NTAQ1: variants seen among roughly 807,000 people sequenced by gnomAD.
The protein encoded by NTAQ1 is N-terminal glutamine amidase 1.
Under a neutral mutation model 28.2 loss-of-function variants are expected in NTAQ1, and 21 were observed. The ratio of observed to expected loss-of-function variants is 0.74; its 90% confidence interval spans 0.53 to 1.07. NTAQ1 has a LOEUF of 1.07. Among genes scored for constraint, NTAQ1 ranks in the 50% least tolerant of loss-of-function variants. NTAQ1 has a pLI of 0.00. For missense variants in NTAQ1, 264 were observed against 256.6 expected (o/e 1.03, Z -0.20); for synonymous variants, 105 against 90.0 (o/e 1.17, Z -0.94).
chr8:123,450,970 C>T (rs1815473403), downstream of NTAQ1, among the ~76,000 whole-genome samples: 1 of 152,240 alleles, frequency 6.6e-6, no homozygotes, highest in Admixed American at 6.5e-5. Context: ...GCTAAATATA[C>T]TGTTCTACCC....
At chr8:123,443,747 AT>A (rs1235571629), downstream of NTAQ1, among the ~76,000 whole-genome samples, 1 of 152,018 alleles carries the variant, frequency 6.6e-6, no homozygotes, top group Non-Finnish European at 1.5e-5. Flanking sequence ...TAATTTTTAT[AT>A]TTTTAGTAGA....
At chr8:123,416,740 T>G, upstream of NTAQ1, 5 of 1,067,896 alleles carry the variant, frequency 4.7e-6, no homozygotes, top group Non-Finnish European at 6.2e-6. Flanking sequence ...CCCCCCGGGC[T>G]CCGCCCACCC....
At chr8:123,450,162 G>C (rs938050654), downstream of NTAQ1, among the ~76,000 whole-genome samples, 2 of 150,818 alleles carry the variant, frequency 1.3e-5, no homozygotes, top group African/African-American at 4.9e-5. Flanking sequence ...TAGGAGATGG[G>C]AAGACAGATG....
intron 5 of NTAQ1, among the ~76,000 whole-genome samples, chr8:123,440,687 A>G (rs1410759932): frequency 6.6e-6 from 1 of 151,382 alleles, no homozygotes; most frequent in African/African-American, 2.4e-5. Flanking sequence ...TTTAGTAGAG[A>G]TGGGGTTTCA....
chr8:123,419,808 C>A (rs1813570091), intron 1 of NTAQ1, among the ~76,000 whole-genome samples: 1 of 134,060 alleles, frequency 7.5e-6, no homozygotes, highest in Non-Finnish European at 1.6e-5. Context: ...TCATTCCTTT[C>A]TTCCCTCCCT....
downstream of NTAQ1, among the ~76,000 whole-genome samples, chr8:123,449,363 C>T (rs552906440): frequency 7.9e-5 from 12 of 152,294 alleles, no homozygotes; most frequent in South Asian, 2.5e-3. Flanking sequence ...GTACATTCAG[C>T]ATATAGCAAT....
In NTAQ1 at chr8:123,416,786, C is replaced by A. The variant is rs1813316124; in HGVS notation, c.-64C>A. On this transcript the variant is annotated 5_prime_UTR_variant, in exon 1 of 6. Transcript: ENST00000287387. ...ACCCACGCGGGCCACTACAAGCCCGCCCTTTCCTACGTCTGGTCCAGTCGG... is the reference window on the plus strand; with the variant it reads ...ACCCACGCGGGCCACTACAAGCCCGACCTTTCCTACGTCTGGTCCAGTCGG... 1 of 1,462,040 alleles carries A rather than the reference C, an allele frequency of 6.8e-7. No homozygotes were observed. Among genetic ancestry groups the A allele is most frequent in the African/African-American group, 1.5e-5 (1 of 68,290 alleles). The allele number at this position is 1,462,040 out of a possible 1,614,324, so 90.6% of individuals were successfully genotyped here.
intron 6 of NTAQ1, among the ~76,000 whole-genome samples, chr8:123,458,708 G>A (rs1423333061): frequency 1.3e-5 from 2 of 149,846 alleles, no homozygotes; most frequent in Non-Finnish European, 3.0e-5. Context: ...TGCAAGCTCC[G>A]CCTCCTGGGT....
intron 5 of NTAQ1, chr8:123,438,369 C>G: frequency 1.8e-6 from 1 of 540,720 alleles, no homozygotes; most frequent in South Asian, 2.3e-5. Flanking sequence ...AGTACTTCAA[C>G]AAGGGTCTGA....
chr8:123,471,768 C>T (rs1816044337), downstream of NTAQ1, among the ~76,000 whole-genome samples: 1 of 152,110 alleles, frequency 6.6e-6, no homozygotes, highest in Non-Finnish European at 1.5e-5. Context: ...TGAGGGCCAC[C>T]CACATTAGGG....
intron 2 of NTAQ1, among the ~76,000 whole-genome samples, chr8:123,429,081 A>C (rs558302734): frequency 1.3e-4 from 20 of 152,346 alleles, no homozygotes; most frequent in African/African-American, 4.1e-4. Context: ...ACACATTTGC[A>C]GGCATCATCT....
In NTAQ1 at chr8:123,423,532, G is replaced by A. The variant is rs544288794; in HGVS notation, c.84-4392G>A. On this transcript the variant is annotated intron_variant, in intron 1 of 5. Coordinates refer to ENST00000287387, the MANE Select transcript of NTAQ1 (RefSeq NM_018024.3). ...CTCAAGTTATCCTCCCACCTCAGCC[G>A]AGGCATTGGGATTACAGTTGTGAGC... Among the ~76,000 whole-genome samples the A allele has an allele frequency of 6.6e-5, 10 of 151,736 alleles. No individual in the cohort carries two copies. The East Asian group carries it at 1.5e-3, about 23-fold the overall frequency.
chr8:123,441,167 G>T, intron 5 of NTAQ1, 139 bp from the exon 6 acceptor site: 1 of 642,510 alleles, frequency 1.6e-6, no homozygotes, highest in Non-Finnish European at 2.7e-6. Context: ...TACATTCAAG[G>T]CCAGAAAACC....
chr8:123,422,062 C>T (rs902419301), intron 1 of NTAQ1, among the ~76,000 whole-genome samples: 4 of 151,702 alleles, frequency 2.6e-5, no homozygotes, highest in Admixed American at 6.6e-5. Flanking sequence ...GTGATCCACG[C>T]GCCTTGGCCT....
chr8:123,450,917 A>T (rs1324487530), downstream of NTAQ1, among the ~76,000 whole-genome samples: 1 of 152,214 alleles, frequency 6.6e-6, no homozygotes, highest in East Asian at 1.9e-4. Flanking sequence ...TTCAAACAAC[A>T]ACAAACCACC....
chr8:123,453,941 G>A (rs766358802), intron 6 of NTAQ1, among the ~76,000 whole-genome samples: 19 of 152,178 alleles, frequency 1.2e-4, no homozygotes, highest in Non-Finnish European at 2.6e-4. Flanking sequence ...CCAATTCCCA[G>A]TTCACCCAGT....
At chr8:123,460,494 G>A (rs1001572414) in intron 6 of NTAQ1, among the ~76,000 whole-genome samples, 1 of 152,194 alleles carries the variant, frequency 6.6e-6, no homozygotes, top group East Asian at 1.9e-4. Context: ...TGGGTCTAAG[G>A]AGGGGCATAT....
At position 123,437,285 on chromosome 8, in the gene NTAQ1, T is replaced by C. The variant is rs1201983713; in HGVS notation, c.459T>C (p.Ser153=). ...ASDRSHMKDS[S]GNWREPPPPY... ...ACCGATCTCACATGAAAGACTCCAG[T>C]GGGAATTGGAGAGAGCCTCCGCCGC... Residue 153 remains serine, a synonymous_variant, in exon 5 of 6, where the codon AGT becomes AGC. Transcript: ENST00000287387. The C allele has an allele frequency of 6.2e-7, 1 of 1,614,076 alleles. No individual in the cohort carries two copies. Among genetic ancestry groups the C allele is most frequent in the South Asian group, 1.1e-5 (1 of 91,084 alleles).
chr8:123,465,292 GCT>G (rs1815934304), intron 6 of NTAQ1, among the ~76,000 whole-genome samples: 1 of 152,082 alleles, frequency 6.6e-6, no homozygotes. Context: ...ATTTTGACAT[GCT>G]CTTGTGTGTG....
Sources: allele counts gnomAD v4.1 joint callset (sites outside exome capture counted in the v4.1 genomes callset), GRCh38; gene constraint gnomAD v4.1.1; transcripts MANE v1.5; gene names NCBI Gene and HGNC (gene_info 2026-07-23, HGNC 2026-07-21).